The following NKAIN1 variants were observed in gnomAD, a reference collection of about 807,000 sequenced individuals.
NKAIN1 encodes the protein sodium/potassium transporting ATPase interacting 1.
A neutral mutation model predicts 31.6 loss-of-function variants in NKAIN1; 13 were observed. The observed-to-expected ratio is 0.41, with a 90% confidence interval of 0.27 to 0.65. The LOEUF (loss-of-function observed/expected upper bound fraction) is 0.65, where lower values mean the gene tolerates loss of function less well. Ranked by LOEUF, NKAIN1 falls within the 30% of genes least tolerant of loss-of-function variation. The probability of loss-of-function intolerance (pLI) is 0.30; values close to 1 mark genes in which losing one functional copy is unlikely to be tolerated. For synonymous variants in NKAIN1, 104 were observed against 109.0 expected (o/e 0.95, Z 0.28); for missense variants, 193 against 262.2 (o/e 0.74, Z 1.82).
At chr1:31,194,278 G>A (rs1645306927) in intron 1 of NKAIN1, among the ~76,000 whole-genome samples, 1 of 152,034 alleles carries the variant, frequency 6.6e-6, no homozygotes, top group Non-Finnish European at 1.5e-5. Flanking sequence ...GCTCACAGAG[G>A]AAGCCCCACA....
intron 1 of NKAIN1, among the ~76,000 whole-genome samples, chr1:31,191,206 G>T (rs1645282303): frequency 1.3e-5 from 2 of 151,818 alleles, no homozygotes; most frequent in Admixed American, 1.3e-4. Flanking sequence ...GAGGAGAATT[G>T]CTTGAGCCTG....
intron 1 of NKAIN1, among the ~76,000 whole-genome samples, chr1:31,217,504 T>C (rs1320420451): frequency 6.6e-6 from 1 of 152,126 alleles, no homozygotes; most frequent in Non-Finnish European, 1.5e-5. Flanking sequence ...CCTAGACTGA[T>C]GGGCACCCTC....
intron 1 of NKAIN1, among the ~76,000 whole-genome samples, chr1:31,237,817 A>G (rs1645703303): frequency 6.6e-6 from 1 of 152,018 alleles, no homozygotes; most frequent in Non-Finnish European, 1.5e-5. Context: ...CTTTTTATTT[A>G]TCTGTCCTGT....
chr1:31,228,841 C>T (rs750968038), intron 1 of NKAIN1, among the ~76,000 whole-genome samples: 7 of 152,194 alleles, frequency 4.6e-5, no homozygotes, highest in South Asian at 2.1e-4. Flanking sequence ...AGTCATCCTT[C>T]GGCCTCAGCC....
chr1:31,226,916 C>T (rs986889853), intron 1 of NKAIN1, among the ~76,000 whole-genome samples: 1 of 152,010 alleles, frequency 6.6e-6, no homozygotes, highest in Non-Finnish European at 1.5e-5. Context: ...CTCTGCCTCT[C>T]GGGTTCAAGG....
chr1:31,228,112 G>A (rs187516763), intron 1 of NKAIN1, among the ~76,000 whole-genome samples: 34 of 152,350 alleles, frequency 2.2e-4, no homozygotes, highest in Admixed American at 5.2e-4. Context: ...AGTATAAACA[G>A]AGGCTGCAGT....
rs185051277 is a variant in NKAIN1, at chr1:31,201,335, A to C, written c.55-13148T>G. 1.3e-3 allele frequency among the ~76,000 whole-genome samples: 197 copies of C among 149,984 alleles called. 1 individual carries two copies. Among genetic ancestry groups the C allele is most frequent in the Non-Finnish European group, 1.8e-3 (123 of 67,734 alleles). On this transcript the variant is annotated intron_variant, in intron 1 of 6. Transcript: ENST00000373736. ...CTCATTGTCTATAAACCTCATGCTC[A>C]TGTCACACCTTTTAATCCTACCCTA...
At chr1:31,184,812 A>G (rs183483723) in intron 3 of NKAIN1, among the ~76,000 whole-genome samples, 134 of 152,292 alleles carry the variant, frequency 8.8e-4, no homozygotes, top group African/African-American at 3.0e-3. Flanking sequence ...TTCCCTGAAC[A>G]AACTCTAACT....
chr1:31,195,096 C>T (rs1645314859), intron 1 of NKAIN1, among the ~76,000 whole-genome samples: 1 of 143,914 alleles, frequency 6.9e-6, no homozygotes, highest in Non-Finnish European at 1.5e-5. Context: ...TCTTCTCTTT[C>T]TCTCTCTTCT....
intron 1 of NKAIN1, among the ~76,000 whole-genome samples, chr1:31,238,388 C>A (rs1645707930): frequency 6.6e-6 from 1 of 152,118 alleles, no homozygotes; most frequent in Non-Finnish European, 1.5e-5. Flanking sequence ...TCCTCGCTGC[C>A]CACTCTCAGA....
At chr1:31,193,696 AAAAC>A (rs375215561) in intron 1 of NKAIN1, 14 of 152,208 alleles carry the variant, frequency 9.2e-5, no homozygotes, top group South Asian at 8.3e-4. Context: ...ATTCGGTCTC[AAAAC>A]AAACAAACAA....
intron 1 of NKAIN1, among the ~76,000 whole-genome samples, chr1:31,223,375 CAAAA>C (rs746638007): frequency 1.9e-5 from 2 of 106,660 alleles, no homozygotes; most frequent in Non-Finnish European, 3.9e-5. Flanking sequence ...GACTCCATCT[CAAAA>C]AAAAAAAAAA....
intron 1 of NKAIN1, among the ~76,000 whole-genome samples, chr1:31,232,424 TAGAG>T (rs34605060): frequency 0.015 from 245 of 16,832 alleles, 8 homozygotes; most frequent in African/African-American, 0.035. Context: ...TATATATATA[TAGAG>T]AGAGAGAGAG....
rs546535519 is a variant in NKAIN1, at chr1:31,218,115, T to C, written c.54+21379A>G. ...TCTCGCTCTGTCACCCAAGCTGGAG[T>C]GCAGTGGCACATTCTCAGCTCACTG... On this transcript the variant is annotated intron_variant, in intron 1 of 6. Coordinates refer to ENST00000373736, the MANE Select transcript of NKAIN1 (RefSeq NM_024522.3). Among the ~76,000 whole-genome samples, 33 of 149,200 alleles carry C rather than the reference T, an allele frequency of 2.2e-4. 1 individual carries two copies. Among genetic ancestry groups the C allele is most frequent in the African/African-American group, 7.9e-4 (32 of 40,580 alleles).
intron 1 of NKAIN1, among the ~76,000 whole-genome samples, chr1:31,219,305 C>T (rs1645543738): frequency 6.6e-6 from 1 of 152,244 alleles, no homozygotes; most frequent in Admixed American, 6.5e-5. Context: ...AGGTCTGGAT[C>T]CTAGGACACA....
chr1:31,209,641 C>T (rs1057330333), intron 1 of NKAIN1, among the ~76,000 whole-genome samples: 5 of 151,748 alleles, frequency 3.3e-5, no homozygotes, highest in African/African-American at 1.2e-4. Context: ...CATAGTAAGA[C>T]CCCTGTCTCT....
At chr1:31,216,692 T>TTATCTATTTATCTATC (rs552756649) in intron 1 of NKAIN1, among the ~76,000 whole-genome samples, 27 of 144,588 alleles carry the variant, frequency 1.9e-4, no homozygotes, top group African/African-American at 2.7e-4. Context: ...GCATTGACTT[T>TTATCTATTTATCTATC]TATTTATTTA....
chr1:31,229,088 C>T (rs1471135168), intron 1 of NKAIN1, among the ~76,000 whole-genome samples: 1 of 152,206 alleles, frequency 6.6e-6, no homozygotes, highest in African/African-American at 2.4e-5. Context: ...GCAGTGAGTA[C>T]TAGAACCCAG....
intron 1 of NKAIN1, among the ~76,000 whole-genome samples, chr1:31,234,115 C>A (rs868699861): frequency 6.6e-6 from 1 of 152,250 alleles, no homozygotes; most frequent in Non-Finnish European, 1.5e-5. Context: ...GCCTCGAGGG[C>A]AGTTTGGCTT....
Sources: allele counts gnomAD v4.1 joint callset (sites outside exome capture counted in the v4.1 genomes callset), GRCh38; gene constraint gnomAD v4.1.1; transcripts MANE v1.5; gene names NCBI Gene and HGNC (gene_info 2026-07-23, HGNC 2026-07-21).